The following CCDC171 variants were observed in gnomAD, a reference collection of about 807,000 sequenced individuals.
CCDC171 encodes coiled-coil domain-containing protein 171.
CCDC171 carries 177 observed loss-of-function variants against 168.2 expected under a neutral mutation model. The observed-to-expected ratio is 1.05, with a 90% confidence interval of 0.93 to 1.19. The LOEUF is 1.19. Ranked by LOEUF, CCDC171 falls within the 50% of genes most tolerant of loss-of-function variation. The pLI is 0.00. For synonymous variants in CCDC171, 687 were observed against 540.8 expected (o/e 1.27, Z -3.75); for missense variants, 1,991 against 1,539.0 (o/e 1.29, Z -4.91).
chr9:16,027,763 G>A (rs1015246396), intron 6 of CCDC171, among the ~76,000 whole-genome samples: 6 of 152,124 alleles, frequency 3.9e-5, no homozygotes, highest in African/African-American at 1.2e-4. Flanking sequence ...GAACAGGGAC[G>A]GCAGCCCTGA....
intron 16 of CCDC171, among the ~76,000 whole-genome samples, chr9:15,738,006 A>G (rs1166049861): frequency 6.6e-6 from 1 of 152,198 alleles, no homozygotes; most frequent in East Asian, 1.9e-4. Context: ...TGTTTGTTAT[A>G]TTTTTAAATA....
downstream of CCDC171, among the ~76,000 whole-genome samples, chr9:16,066,612 TCCC>T (rs1428155367): frequency 1.2e-5 from 1 of 80,580 alleles, no homozygotes; most frequent in East Asian, 4.2e-4. Context: ...CCCTCCCCCC[TCCC>T]CCCACCCCAC....
chr9:15,900,828 C>G (rs1433941702), intron 24 of CCDC171, among the ~76,000 whole-genome samples: 1 of 152,110 alleles, frequency 6.6e-6, no homozygotes, highest in Non-Finnish European at 1.5e-5. Flanking sequence ...TTCTAGGGTC[C>G]TTACTCATGG....
rs1244329030 is a variant in CCDC171, at chr9:15,927,492, A to T, written c.3753+7070A>T. 3.5e-4 allele frequency among the ~76,000 whole-genome samples: 53 copies of T among 151,736 alleles called. 1 individual carries two copies. Among genetic ancestry groups the T allele is most frequent in the African/African-American group, 2.4e-5 (1 of 41,384 alleles). ...GCTGTGAGTTATGATGCTGCAAACT[A>T]CGGTACTGATTTGCTTCATTTCCAC... is the stretch of plus-strand genomic sequence containing the variant. On this transcript the variant is annotated intron_variant, in intron 25 of 25. Transcript: ENST00000380701.
At chr9:15,926,515 C>G (rs1369938986) in intron 25 of CCDC171, among the ~76,000 whole-genome samples, 1 of 151,594 alleles carries the variant, frequency 6.6e-6, no homozygotes, top group Admixed American at 6.6e-5. Flanking sequence ...CTTGACCTCT[C>G]TCATATTTAT....
the CCDC171 span, among the ~76,000 whole-genome samples, chr9:16,087,042 G>T: frequency 6.6e-6 from 1 of 152,204 alleles, no homozygotes; most frequent in African/African-American, 2.4e-5. Context: ...GTGCGGTTTT[G>T]AGTGAGTTTC....
intron 18 of CCDC171, among the ~76,000 whole-genome samples, chr9:15,756,263 A>G (rs964114399): frequency 1.3e-5 from 2 of 152,222 alleles, no homozygotes; most frequent in African/African-American, 2.4e-5. Flanking sequence ...TACAAAGGAA[A>G]ACTGGTCAAT....
At chr9:15,828,141 T>C (rs1232359007) in intron 21 of CCDC171, among the ~76,000 whole-genome samples, 4 of 152,184 alleles carry the variant, frequency 2.6e-5, no homozygotes, top group African/African-American at 9.6e-5. Flanking sequence ...GTGAAAAAGA[T>C]GATTTCAGCT....
rs2058318321 is a variant in CCDC171 at position 15,792,457 on chromosome 9, C to G, written c.3267+7763C>G. On this transcript the variant is annotated intron_variant, in intron 21 of 25. Coordinates refer to ENST00000380701, the MANE Select transcript of CCDC171 (RefSeq NM_173550.4). Reference sequence around the variant, plus strand: ...AGCAAGGCAGGCCAACATTCAAATTCAGGAAATACAGAGAACGCCACAAAG... The same window carrying G: ...AGCAAGGCAGGCCAACATTCAAATTGAGGAAATACAGAGAACGCCACAAAG... 2.0e-5 allele frequency among the ~76,000 whole-genome samples: 3 copies of G among 152,042 alleles called. No individual in the cohort carries two copies. In the South Asian group the frequency reaches 6.2e-4, roughly 32 times the overall value.
chr9:15,660,963 C>G (rs2048267777), intron 8 of CCDC171, among the ~76,000 whole-genome samples: 1 of 152,206 alleles, frequency 6.6e-6, no homozygotes, highest in African/African-American at 2.4e-5. Context: ...TTCCTTTTCT[C>G]AGCAGCCTCA....
intron 16 of CCDC171, among the ~76,000 whole-genome samples, chr9:15,742,754 T>A (rs1331593206): frequency 2.6e-5 from 4 of 152,222 alleles, no homozygotes; most frequent in Non-Finnish European, 5.9e-5. Context: ...GCTAGTTGAT[T>A]TACTTGTCTC....
chr9:16,077,360 C>T, the CCDC171 span, among the ~76,000 whole-genome samples: 1 of 152,116 alleles, frequency 6.6e-6, no homozygotes, highest in Non-Finnish European at 1.5e-5. Context: ...ATTCTCTGCT[C>T]CTTTGTGGTA....
rs190669809 is a variant in CCDC171 at position 15,722,549 on chromosome 9, A to T, written c.1425+674A>T. On this transcript the variant is annotated intron_variant, in intron 12 of 25. Transcript: ENST00000380701. ...TCTAGTTACATCTTGTCAAATTAGCATATGAAGTAATTACATTAAATACAA... is the reference window on the plus strand; with the variant it reads ...TCTAGTTACATCTTGTCAAATTAGCTTATGAAGTAATTACATTAAATACAA... Among the ~76,000 whole-genome samples the T allele has an allele frequency of 2.4e-4, 37 of 152,256 alleles. 1 individual carries two copies. Among genetic ancestry groups the T allele is most frequent in the Admixed American group, 2.4e-3 (37 of 15,278 alleles).
intron 7 of CCDC171, among the ~76,000 whole-genome samples, chr9:15,644,811 TG>T (rs2046909038): frequency 6.6e-6 from 1 of 152,190 alleles, no homozygotes; most frequent in Admixed American, 6.5e-5. Flanking sequence ...ACTCCACCTC[TG>T]GGGGCAGGGC....
At chr9:15,609,411 G>A (rs986784930) in intron 6 of CCDC171, among the ~76,000 whole-genome samples, 5 of 152,098 alleles carry the variant, frequency 3.3e-5, no homozygotes, top group African/African-American at 9.7e-5. Context: ...ACTTGGCCTA[G>A]TTTTAAATTT....
chr9:16,029,004 G>A (rs1285816210), intron 6 of CCDC171, among the ~76,000 whole-genome samples: 1 of 152,064 alleles, frequency 6.6e-6, no homozygotes. Flanking sequence ...AAAAAGCCTT[G>A]AGCATAGAGC....
chr9:15,582,983 A>G (rs1432248846), intron 4 of CCDC171, among the ~76,000 whole-genome samples: 1 of 151,998 alleles, frequency 6.6e-6, no homozygotes, highest in South Asian at 2.1e-4. Context: ...CAGCATTCCC[A>G]CTACTGGGTA....
chr9:15,821,903 T>C lies in CCDC171; in HGVS notation c.3268-24799T>C, dbSNP rs2059787712. Among the ~76,000 whole-genome samples the C allele has an allele frequency of 2.7e-5, 4 of 147,448 alleles. 2 individuals are homozygous for C. Among genetic ancestry groups the C allele is most frequent in the Non-Finnish European group, 6.0e-5 (4 of 66,572 alleles). On this transcript the variant is annotated intron_variant, in intron 21 of 25. Transcript: ENST00000380701. Reference sequence around the variant, plus strand: ...CAATCCTAAGCCAAAAGAACAAAGCTGGAGGCATCACGCTACCTGACTTCA... The same window carrying C: ...CAATCCTAAGCCAAAAGAACAAAGCCGGAGGCATCACGCTACCTGACTTCA...
At chr9:16,084,779 C>G in the CCDC171 span, among the ~76,000 whole-genome samples, 2 of 152,076 alleles carry the variant, frequency 1.3e-5, no homozygotes. Context: ...AACCCAATTC[C>G]TTCATTTAAC....
Sources: allele counts gnomAD v4.1 joint callset (sites outside exome capture counted in the v4.1 genomes callset), GRCh38; gene constraint gnomAD v4.1.1; transcripts MANE v1.5; gene names NCBI Gene and HGNC (gene_info 2026-07-23, HGNC 2026-07-21).